The following DHX15 variants were observed in gnomAD, a reference collection of about 807,000 sequenced individuals.
DHX15 encodes DEAH-box helicase 15, also known as ATP-dependent RNA helicase DHX15.
A neutral mutation model predicts 94.4 loss-of-function variants in DHX15; 11 were observed. The observed-to-expected ratio is 0.12, with a 90% CI of 0.07 to 0.19. The LOEUF (loss-of-function observed/expected upper bound fraction) is 0.19. Among genes scored for constraint, DHX15 ranks in the 10% least tolerant of loss-of-function variants. The probability of loss-of-function intolerance (pLI) is 1.00; values close to 1 mark genes in which losing one functional copy is unlikely to be tolerated. For synonymous variants in DHX15, 338 were observed against 329.9 expected (o/e 1.02, Z -0.27); for missense variants, 304 against 988.5 (o/e 0.31, Z 9.29).
intron 4 of DHX15, among the ~76,000 whole-genome samples, 195 bp from the exon 5 acceptor site, chr4:24,555,138 GA>G (rs747408782): frequency 7.9e-5 from 12 of 151,152 alleles, no homozygotes; most frequent in African/African-American, 1.5e-4. Flanking sequence ...TAAAAATTTA[GA>G]AAAAAAATAA....
intron 2 of DHX15, 50 bp downstream of exon 2, chr4:24,576,193 G>A (rs767420618): frequency 6.8e-7 from 1 of 1,459,988 alleles, no homozygotes; most frequent in Admixed American, 1.8e-5. Context: ...TGCAACATTT[G>A]GTAAACTTAA....
chr4:24,545,598 TA>T (rs911534595), intron 6 of DHX15, among the ~76,000 whole-genome samples: 3 of 152,154 alleles, frequency 2.0e-5, no homozygotes, highest in African/African-American at 7.2e-5. Flanking sequence ...TCTCAAGGAC[TA>T]AAAATAGCTA....
intron 7 of DHX15, among the ~76,000 whole-genome samples, chr4:24,542,625 G>A (rs761544072): frequency 1.3e-5 from 2 of 151,992 alleles, no homozygotes; most frequent in African/African-American, 2.4e-5. Context: ...CTGAACTGCA[G>A]GGATAGAAAT....
chr4:24,537,192 G>C lies in DHX15; in HGVS notation c.1787-19C>G. The C allele has an allele frequency of 6.2e-7, 1 of 1,613,364 alleles. No individual in the cohort carries two copies. The highest frequency in any genetic ancestry group is 8.5e-7 in the Non-Finnish European group (1 of 1,179,600). On this transcript the variant is annotated intron_variant, in intron 10 of 13. Transcript: ENST00000336812. The surrounding 1 kb of genome is among the most constrained non-coding windows in gnomAD (Gnocchi z 4.7). ...TGTGGGACTAAACAAGGTTGGTATG[G>C]GCCCAACACAAACGCCCATATCGAT...
intron 3 of DHX15, chr4:24,563,212 G>C (rs1721920513): frequency 6.6e-6 from 1 of 151,974 alleles, no homozygotes; most frequent in Non-Finnish European, 1.5e-5. Context: ...GCCTTGCTAT[G>C]TTGCCCAGGC....
intron 1 of DHX15, among the ~76,000 whole-genome samples, chr4:24,579,245 G>A (rs888598794): frequency 1.3e-5 from 2 of 152,168 alleles, no homozygotes; most frequent in African/African-American, 4.8e-5. Context: ...AGAAAACAGG[G>A]AGGATGCAGG....
chr4:24,556,987 G>A (rs1721752047), intron 3 of DHX15, among the ~76,000 whole-genome samples: 1 of 152,130 alleles, frequency 6.6e-6, no homozygotes, highest in Admixed American at 6.5e-5. Flanking sequence ...GTGGGACTGA[G>A]GGGCAGCATC....
intron 1 of DHX15, among the ~76,000 whole-genome samples, chr4:24,577,800 T>C (rs962056714): frequency 3.3e-5 from 5 of 152,172 alleles, no homozygotes; most frequent in African/African-American, 1.2e-4. Flanking sequence ...AATAAAATAA[T>C]CTATGCTTGT....
At chr4:24,547,460 G>T (rs1721449126) in intron 6 of DHX15, among the ~76,000 whole-genome samples, 1 of 152,160 alleles carries the variant, frequency 6.6e-6, no homozygotes, top group African/African-American at 2.4e-5. Context: ...CAAGAGCTCA[G>T]ATGTGTAACT....
At chr4:24,528,103 A>C (rs1355332659) in intron 13 of DHX15, 62 bp from the exon 14 acceptor site, 7 of 1,125,076 alleles carry the variant, frequency 6.2e-6, no homozygotes, top group South Asian at 1.3e-5. Flanking sequence ...TGGAGTTGTT[A>C]ATAGGATAGG....
chr4:24,577,277 T>C (rs1031126712), intron 1 of DHX15, among the ~76,000 whole-genome samples: 5 of 152,222 alleles, frequency 3.3e-5, no homozygotes, highest in African/African-American at 9.6e-5. Flanking sequence ...AAGAGCATAG[T>C]ACAATGTTAT....
chr4:24,549,423 A>C (rs1721537400), intron 5 of DHX15, among the ~76,000 whole-genome samples: 1 of 152,238 alleles, frequency 6.6e-6, no homozygotes, highest in Non-Finnish European at 1.5e-5. Flanking sequence ...ATTAGGCTTT[A>C]ATGTCACGTA....
chr4:24,547,974 G>T lies in DHX15; in HGVS notation c.1248+881C>A, dbSNP rs530154441. Among the ~76,000 whole-genome samples, 37 of 125,554 alleles carry T rather than the reference G, an allele frequency of 2.9e-4. No individual in the cohort carries two copies. In the South Asian group the frequency reaches 3.4e-3, roughly 12 times the overall value. 82.4% of individuals were successfully genotyped at this position (125,554 alleles called of 152,430 possible). A position where few individuals can be genotyped will look rare whatever the true frequency, so the allele number is the denominator to read the frequency against. ...CTATATCTATATCTATCTGCTGATG[G>T]GGACTATATATCTGCTGATGGGGAA... On this transcript the variant is annotated intron_variant, in intron 6 of 13. Coordinates refer to ENST00000336812, the MANE Select transcript of DHX15 (RefSeq NM_001358.3).
intron 1 of DHX15, among the ~76,000 whole-genome samples, chr4:24,581,568 T>C (rs1278554541): frequency 6.6e-6 from 1 of 152,224 alleles, no homozygotes; most frequent in Non-Finnish European, 1.5e-5. Flanking sequence ...ACATTTCTTA[T>C]GTTCCCTGTG....
In DHX15 at chr4:24,540,353, GACAAAGT is replaced by G; in HGVS notation, c.1595-61_1595-55del. The G allele has an allele frequency of 2.7e-6, 4 of 1,461,106 alleles. No individual in the cohort carries two copies. In the South Asian group the frequency reaches 4.0e-5, roughly 15 times the overall value. The allele number at this position is 1,461,106 out of a possible 1,614,324, so 90.5% of individuals were successfully genotyped here. ...CGGTGCCTTAAGCAAGCAAAAATGT[GACAAAGT>G]ACAAACTATTATAAGCAATCTCATT... On this transcript the variant is annotated intron_variant, in intron 9 of 13. Coordinates refer to ENST00000336812, the MANE Select transcript of DHX15 (RefSeq NM_001358.3).
intron 2 of DHX15, among the ~76,000 whole-genome samples, chr4:24,575,187 T>C (rs1041648542): frequency 1.3e-5 from 2 of 150,496 alleles, no homozygotes; most frequent in African/African-American, 4.9e-5. Context: ...AAAAGAAGAA[T>C]GGTACTAAGG....
At position 24,576,428 on chromosome 4, in the gene DHX15, G is replaced by T. The variant is rs754644896; in HGVS notation, c.322C>A (p.His108Asn). ...TTAATGCACTGTGGAAGTGACGTGT[G>T]ACCTGCATGTCCGGCATGCGTTGAA... is the stretch of plus-strand genomic sequence containing the variant. ...AHSTHAGHAGHTSLPQCINPF... is the reference protein window; with the variant it reads ...AHSTHAGHAGNTSLPQCINPF... The change falls in exon 2 of 14, where the codon CAC becomes AAC. Residue 108 changes from histidine to asparagine, a missense_variant. Around this residue, in one of 9 missense-constraint regions of DHX15, gnomAD observed 143 missense variants for 200.5 expected, o/e 0.71. Coordinates refer to ENST00000336812, the MANE Select transcript of DHX15 (RefSeq NM_001358.3). The T allele has an allele frequency of 6.2e-7, 1 of 1,614,186 alleles. No homozygotes were observed. The highest frequency in any genetic ancestry group is 1.7e-5 in the Admixed American group (1 of 60,024).
intron 3 of DHX15, among the ~76,000 whole-genome samples, chr4:24,566,222 A>T (rs1421831003): frequency 6.6e-6 from 1 of 151,688 alleles, no homozygotes; most frequent in East Asian, 1.9e-4. Context: ...TTAATATATA[A>T]ATCTTTTTGG....
intron 2 of DHX15, 127 bp downstream of exon 2, chr4:24,576,116 A>T: frequency 1.4e-6 from 1 of 728,114 alleles, no homozygotes; most frequent in Non-Finnish European, 2.3e-6. Context: ...CCAATTAAAC[A>T]TCAAATCAGC....
Sources: gnomAD v4.1 joint callset for allele counts (sites outside exome capture counted in the v4.1 genomes callset) on GRCh38, gnomAD v4.1.1 for gene constraint, gnomAD v4.1.1 regional missense constraint, Gnocchi (gnomAD v3.1) non-coding constraint, MANE v1.5 for transcripts, NCBI Gene and HGNC (gene_info 2026-07-23, HGNC 2026-07-21) for gene names.